The following CNGA1 variants were observed in gnomAD, a reference collection of about 807,000 sequenced individuals.
The protein encoded by CNGA1 is cyclic nucleotide-gated channel alpha-1.
CNGA1 carries 53 observed loss-of-function variants against 69.7 expected under a neutral mutation model. That is an observed-to-expected ratio of 0.76 (90% CI 0.61 to 0.96). The LOEUF is 0.96. CNGA1 is among the 40% of genes least tolerant of loss of function. The pLI, the probability that CNGA1 is intolerant of heterozygous loss-of-function variation, is 0.00. For missense variants in CNGA1, 739 were observed against 811.2 expected (o/e 0.91, Z 1.08); for synonymous variants, 249 against 283.5 (o/e 0.88, Z 1.22).
chr4:48,005,369 G>T (rs1371941199), intron 2 of CNGA1, among the ~76,000 whole-genome samples: 1 of 152,148 alleles, frequency 6.6e-6, no homozygotes, highest in Non-Finnish European at 1.5e-5. Flanking sequence ...ATCCACCTTG[G>T]ACTTCCAAAG....
At chr4:47,954,239 G>T (rs2119203) in intron 3 of CNGA1, among the ~76,000 whole-genome samples, 225 of 152,212 alleles carry the variant, frequency 1.5e-3, no homozygotes, top group African/African-American at 4.6e-3. Flanking sequence ...CGGAATTCCA[G>T]CTCCCCATCC....
At position 47,993,220 on chromosome 4, in the gene CNGA1, G is replaced by T. The variant is rs371979263; in HGVS notation, c.-122-11720C>A. On this transcript the variant is annotated intron_variant, in intron 2 of 10. Coordinates refer to ENST00000514170, the MANE Select transcript of CNGA1 (RefSeq NM_001379270.1). The stretch of plus-strand genomic sequence containing the variant: ...GGCTACATAGAATGATTTAGGGAGG[G>T]TTCCCTCATTCTCTATCTTGTGGAA... 8.4e-4 allele frequency among the ~76,000 whole-genome samples: 128 copies of T among 152,128 alleles called. 1 individual carries two copies. The South Asian group carries it at 0.025, about 30-fold the overall frequency.
At chr4:47,951,224 C>T in intron 5 of CNGA1, 129 bp downstream of exon 5, 1 of 684,390 alleles carries the variant, frequency 1.5e-6, no homozygotes. Flanking sequence ...GAACGCTAAG[C>T]ATGTGGGAGT....
Position 47,937,725 on chromosome 4 carries a change from C to T in CNGA1, c.757G>A (p.Asp253Asn). The change falls in exon 11 of 11, where the codon GAT (aspartate) becomes AAT (asparagine). Residue 253 changes from aspartate to asparagine, a missense_variant. Asp to Asn is a conservative substitution (Grantham distance 23, BLOSUM62 1). Transcript: ENST00000514170. Reference sequence around the variant, plus strand: ...CACCCTAACTTAAAATACAGCAAATCAGTTGGTATCAGTGACAGAACATCA... The same window carrying T: ...CACCCTAACTTAAAATACAGCAAATTAGTTGGTATCAGTGACAGAACATCA... The part of the protein sequence containing the change: ...KLDVLSLIPT[D>N]LLYFKLGWNY... 6.2e-7 allele frequency: 1 copy of T among 1,613,908 alleles called. No individual in the cohort carries two copies. The highest frequency in any genetic ancestry group is 8.5e-7 in the Non-Finnish European group (1 of 1,179,862).
chr4:47,982,384 G>A (rs1741757549), intron 2 of CNGA1, among the ~76,000 whole-genome samples: 2 of 152,184 alleles, frequency 1.3e-5, no homozygotes, highest in South Asian at 4.1e-4. Context: ...TAGCGTAGGA[G>A]GCTCTCAAGA....
intron 2 of CNGA1, among the ~76,000 whole-genome samples, chr4:48,002,411 G>A (rs1241873003): frequency 3.3e-5 from 5 of 152,118 alleles, no homozygotes; most frequent in African/African-American, 1.2e-4. Flanking sequence ...CACTGTAGTA[G>A]AGAAAGTTTA....
chr4:48,005,472 T>C (rs551257690), intron 2 of CNGA1, among the ~76,000 whole-genome samples: 2 of 152,308 alleles, frequency 1.3e-5, no homozygotes, highest in East Asian at 3.9e-4. Flanking sequence ...ACAAAAATAA[T>C]TTTTTTACAT....
At chr4:47,980,182 G>C (rs779004108) in intron 3 of CNGA1, among the ~76,000 whole-genome samples, 2 of 152,154 alleles carry the variant, frequency 1.3e-5, no homozygotes. Flanking sequence ...TGAAATGAGT[G>C]ATTGGTGTTT....
chr4:47,953,712 C>T (rs1282775707), intron 3 of CNGA1, among the ~76,000 whole-genome samples: 1 of 152,212 alleles, frequency 6.6e-6, no homozygotes, highest in Non-Finnish European at 1.5e-5. Context: ...GTCTGAGACT[C>T]TGCCTTCTTC....
chr4:48,016,060 C>A (rs1715360867), intron 1 of CNGA1, among the ~76,000 whole-genome samples: 1 of 152,182 alleles, frequency 6.6e-6, no homozygotes, highest in Non-Finnish European at 1.5e-5. Flanking sequence ...TATGGTATAA[C>A]AAGGATATCA....
intron 10 of CNGA1, 109 bp downstream of exon 10, chr4:47,940,654 A>T: frequency 1.2e-6 from 1 of 806,618 alleles, no homozygotes; most frequent in Non-Finnish European, 2.1e-6. Flanking sequence ...TCTCTAGAAC[A>T]GATTTTTGTG....
intron 2 of CNGA1, among the ~76,000 whole-genome samples, chr4:47,990,321 G>A (rs575866992): frequency 6.6e-6 from 1 of 152,144 alleles, no homozygotes; most frequent in East Asian, 1.9e-4. Flanking sequence ...GCATTCTTGG[G>A]GGGAGGTCTA....
In CNGA1 at chr4:47,943,506, C is replaced by T. The variant is rs573327416; in HGVS notation, c.288-94G>A. 37 of 801,200 alleles carry T rather than the reference C, an allele frequency of 4.6e-5. No homozygotes were observed. In the Middle Eastern group the frequency reaches 1.1e-3, roughly 25 times the overall value. 49.6% of individuals were successfully genotyped at this position (801,200 alleles called of 1,614,324 possible). A position where few individuals can be genotyped will look rare whatever the true frequency, so the allele number is the denominator to read the frequency against. ...TGAGCAAAAATCTCAGCTTTGCATT[C>T]AAAGACCTGCTCCAGTGCTCAAAAC... On this transcript the variant is annotated intron_variant, in intron 6 of 10. Coordinates refer to ENST00000514170, the MANE Select transcript of CNGA1 (RefSeq NM_001379270.1).
intron 2 of CNGA1, among the ~76,000 whole-genome samples, chr4:47,992,024 A>G (rs1443107882): frequency 2.0e-5 from 3 of 152,108 alleles, no homozygotes; most frequent in Non-Finnish European, 2.9e-5. Context: ...CCATTGGTCT[A>G]TGTGCCTATT....
At chr4:48,006,701 A>T (rs1301482855) in intron 2 of CNGA1, among the ~76,000 whole-genome samples, 1 of 152,132 alleles carries the variant, frequency 6.6e-6, no homozygotes, top group African/African-American at 2.4e-5. Flanking sequence ...AGCTCACTGC[A>T]ACCTCCATCT....
intron 6 of CNGA1, among the ~76,000 whole-genome samples, chr4:47,944,243 T>G (rs1739264164): frequency 6.6e-6 from 1 of 152,084 alleles, no homozygotes; most frequent in Non-Finnish European, 1.5e-5. Flanking sequence ...AGCAGGAAAA[T>G]TTCTAAGTGC....
At chr4:47,993,594 T>C (rs1196771565) in intron 2 of CNGA1, among the ~76,000 whole-genome samples, 1 of 152,138 alleles carries the variant, frequency 6.6e-6, no homozygotes, top group African/African-American at 2.4e-5. Flanking sequence ...TTGGTTAATC[T>C]TGCTCATGGT....
chr4:48,006,185 CT>C (rs2109351469), intron 2 of CNGA1, among the ~76,000 whole-genome samples: 1 of 152,210 alleles, frequency 6.6e-6, no homozygotes, highest in Non-Finnish European at 1.5e-5. Flanking sequence ...TTCATCTATT[CT>C]GATGTCACAA....
intron 3 of CNGA1, among the ~76,000 whole-genome samples, chr4:47,960,813 T>A (rs1298587653): frequency 6.6e-6 from 1 of 152,156 alleles, no homozygotes; most frequent in Non-Finnish European, 1.5e-5. Context: ...AAGCCAGATA[T>A]AAGAGTATAT....
Sources: allele counts gnomAD v4.1 joint callset (sites outside exome capture counted in the v4.1 genomes callset), GRCh38; gene constraint gnomAD v4.1.1; transcripts MANE v1.5; gene names NCBI Gene and HGNC (gene_info 2026-07-23, HGNC 2026-07-21).